The following FNDC1 variants were observed in gnomAD, a reference collection of about 807,000 sequenced individuals.
The protein encoded by FNDC1 is fibronectin type III domain containing 1, also known as fibronectin type III domain-containing protein 1.
FNDC1 carries 96 observed loss-of-function variants against 168.0 expected under a neutral mutation model. The observed-to-expected ratio is 0.57, with a 90% CI of 0.48 to 0.68. The LOEUF is 0.68. Among genes scored for constraint, FNDC1 ranks in the 30% least tolerant of loss-of-function variants. The pLI is 0.00. For synonymous variants in FNDC1, 1,099 were observed against 1,025.9 expected (o/e 1.07, Z -1.36); for missense variants, 2,587 against 2,482.1 (o/e 1.04, Z -0.90).
chr6:159,175,473 G>A (rs1781742991), intron 1 of FNDC1, among the ~76,000 whole-genome samples: 1 of 152,168 alleles, frequency 6.6e-6, no homozygotes, highest in Non-Finnish European at 1.5e-5. Context: ...CTCTAGGCTG[G>A]ATGTGAGTGC....
chr6:159,201,677 A>G lies in FNDC1; in HGVS notation c.460+1096A>G, dbSNP rs75386466. Among the ~76,000 whole-genome samples the G allele has an allele frequency of 2.8e-3, 433 of 152,316 alleles. 1 individual carries two copies. Among genetic ancestry groups the G allele is most frequent in the African/African-American group, 0.01 (416 of 41,576 alleles). The stretch of plus-strand genomic sequence containing the variant: ...CCATGGAAATTCAGTAAAATGGTCA[A>G]CAAGTTAGTACAGCTAGCAAGTGTG... On this transcript the variant is annotated intron_variant, in intron 4 of 22. Coordinates refer to ENST00000297267, the MANE Select transcript of FNDC1 (RefSeq NM_032532.3).
chr6:159,268,687 T>TAATCTATCC (rs1554229736), intron 22 of FNDC1, among the ~76,000 whole-genome samples: 2 of 149,574 alleles, frequency 1.3e-5, no homozygotes, highest in African/African-American at 4.9e-5. Flanking sequence ...TCCATCTATC[T>TAATCTATCC]ATCCATCCAT....
chr6:159,251,561 C>T (rs1777266216), intron 17 of FNDC1, 29 bp downstream of exon 17: 2 of 1,585,858 alleles, frequency 1.3e-6, no homozygotes, highest in Non-Finnish European at 1.7e-6. Context: ...TCAGAGTTCC[C>T]ATGATCTGTA....
chr6:159,178,214 T>C (rs768997701), intron 1 of FNDC1, among the ~76,000 whole-genome samples: 4 of 152,210 alleles, frequency 2.6e-5, no homozygotes, highest in East Asian at 1.9e-4. Context: ...ATCCTCTTCA[T>C]TGATCCTTGT....
In FNDC1 at chr6:159,206,113, G is replaced by A. The variant is rs373784578; in HGVS notation, c.460+5532G>A. 1.4e-4 allele frequency among the ~76,000 whole-genome samples: 22 copies of A among 152,322 alleles called. No homozygotes were observed. In the East Asian group the frequency reaches 3.1e-3, roughly 21 times the overall value. On this transcript the variant is annotated intron_variant, in intron 4 of 22. Transcript: ENST00000297267. ...ATTGGCACTTGGTGCAAAAGGTGCC[G>A]GCAGAGTAAACCAATAGGCAAAGCA...
At chr6:159,175,633 G>T (rs899068445) in intron 1 of FNDC1, among the ~76,000 whole-genome samples, 1 of 152,230 alleles carries the variant, frequency 6.6e-6, no homozygotes, top group Non-Finnish European at 1.5e-5. Flanking sequence ...AGTGAATGTA[G>T]CCTCTGTTAC....
chr6:159,217,207 G>A lies in FNDC1; in HGVS notation c.667+2056G>A, dbSNP rs573871121. ...AAGGGCGTGGTAAAGGAGGAGAGGG[G>A]AGAGTTGCCTAGGAGGAGAGATGCC... On this transcript the variant is annotated intron_variant, in intron 5 of 22. Transcript: ENST00000297267. Among the ~76,000 whole-genome samples the A allele has an allele frequency of 5.3e-5, 8 of 152,352 alleles. No homozygotes were observed. The South Asian group carries it at 1.7e-3, about 32-fold the overall frequency.
chr6:159,169,668 C>T lies in FNDC1; in HGVS notation c.72C>T (p.Ala24=), dbSNP rs1248463479. 8 of 1,164,944 alleles carry T rather than the reference C, an allele frequency of 6.9e-6. No individual in the cohort carries two copies. The South Asian group carries it at 2.9e-4, about 42-fold the overall frequency. 72.2% of individuals were successfully genotyped at this position (1,164,944 alleles called of 1,614,324 possible). A position where few individuals can be genotyped will look rare whatever the true frequency, so the allele number is the denominator to read the frequency against. ...CCTGGGCGGCGCTGCTGCTCTTGGC[C>T]GCGCTGCTCCCCGTCGCCTCCTCGG... ...RLSWAALLLL[A]ALLPVASSAA... is the part of the protein sequence containing the mutation. The change falls in exon 1 of 23, where the codon GCC becomes GCT. Residue 24 remains alanine (A), a synonymous_variant. Coordinates refer to ENST00000297267, the MANE Select transcript of FNDC1 (RefSeq NM_032532.3). This position sits in a 1 kb window ranked among gnomAD's most constrained non-coding sequence, Gnocchi z 6.8.
Position 159,233,620 on chromosome 6 carries a change from C to T in FNDC1, c.3108C>T (p.Thr1036=), listed in dbSNP as rs1056841675. The T allele has an allele frequency of 1.9e-6, 3 of 1,566,124 alleles. No individual in the cohort carries two copies. The highest frequency in any genetic ancestry group is 2.6e-6 in the Non-Finnish European group (3 of 1,158,496). The change falls in exon 11 of 23, where the codon ACC becomes ACT. Residue 1036 remains threonine (T), a synonymous_variant. Transcript: ENST00000297267. This position sits in a 1 kb window ranked among gnomAD's most constrained non-coding sequence, Gnocchi z 4.6. ...CTTCCCAGCCCAGGCTCTCACTGAC[C>T]CAGGCCGGGCGGCCCCGCCCCACGT... The part of the protein sequence containing the change: ...RSPSQPRLSL[T]QAGRPRPTSQ...
chr6:159,219,923 T>C (rs543414295), intron 5 of FNDC1, among the ~76,000 whole-genome samples: 33 of 152,198 alleles, frequency 2.2e-4, no homozygotes, highest in Non-Finnish European at 4.1e-4. Flanking sequence ...GATTCCATTG[T>C]CAATAGCACC....
At chr6:159,261,502 A>C (rs187110138) in intron 19 of FNDC1, among the ~76,000 whole-genome samples, 2 of 152,338 alleles carry the variant, frequency 1.3e-5, no homozygotes, top group East Asian at 3.9e-4. Flanking sequence ...AATTCCAATG[A>C]AAGGAAAAAA....
At position 159,197,413 on chromosome 6, in the gene FNDC1, G is replaced by T; in HGVS notation, c.110-18G>T. The T allele has an allele frequency of 1.3e-6, 2 of 1,593,208 alleles. No homozygotes were observed. Among genetic ancestry groups the T allele is most frequent in the Non-Finnish European group, 1.7e-6 (2 of 1,170,534 alleles). On this transcript the variant is annotated intron_variant, in intron 1 of 22. Transcript: ENST00000297267. ...AATCTGTTATTGCCATGAGTTGATAGTTGCGCTGTTTACATAGTTGACCAC... is the reference window on the plus strand; with the variant it reads ...AATCTGTTATTGCCATGAGTTGATATTTGCGCTGTTTACATAGTTGACCAC...
At chr6:159,243,360 G>A (rs1783470187) in intron 14 of FNDC1, 1 of 152,144 alleles carries the variant, frequency 6.6e-6, no homozygotes, top group Non-Finnish European at 1.5e-5. Flanking sequence ...AAAATACTGA[G>A]AAATTCAAAA....
chr6:159,249,289 G>C (rs1777207526), intron 16 of FNDC1, 107 bp downstream of exon 16: 4 of 1,094,268 alleles, frequency 3.7e-6, no homozygotes, highest in Non-Finnish European at 5.1e-6. Context: ...ATTTTGAGAA[G>C]TTTTTCCAGA....
rs1312661878 is a variant in FNDC1 at position 159,232,612 on chromosome 6, C to A, written c.2100C>A (p.Thr700=). ...GAKPASPARR[T]PHSGAAEEDS... ...AGCCAGCCTCGCCGGCCCGGAGGACCCCCCATTCAGGGGCCGCAGAGGAAG... is the reference window on the plus strand; with the variant it reads ...AGCCAGCCTCGCCGGCCCGGAGGACACCCCATTCAGGGGCCGCAGAGGAAG... Residue 700 remains threonine (T), a synonymous_variant, in exon 11 of 23, where the codon ACC becomes ACA. Coordinates refer to ENST00000297267, the MANE Select transcript of FNDC1 (RefSeq NM_032532.3). This position sits in a 1 kb window ranked among gnomAD's most constrained non-coding sequence, Gnocchi z 4.9. 2 of 1,608,282 alleles carry A rather than the reference C, an allele frequency of 1.2e-6. No homozygotes were observed. Among genetic ancestry groups the A allele is most frequent in the South Asian group, 1.1e-5 (1 of 90,540 alleles).
At chr6:159,176,323 C>T (rs1395850004) in intron 1 of FNDC1, among the ~76,000 whole-genome samples, 4 of 152,198 alleles carry the variant, frequency 2.6e-5, no homozygotes, top group African/African-American at 7.2e-5. Context: ...CAGACAAAGA[C>T]ACAAAGTCAG....
chr6:159,179,346 C>G (rs1389191621), intron 1 of FNDC1, among the ~76,000 whole-genome samples: 2 of 152,226 alleles, frequency 1.3e-5, no homozygotes, highest in Admixed American at 6.5e-5. Context: ...GTAGTCCCAG[C>G]TACTCAAGAG....
rs381639 is a variant in FNDC1 at position 159,232,603 on chromosome 6, C to A, written c.2091C>A (p.Ala697=). 1.2e-6 allele frequency: 2 copies of A among 1,607,016 alleles called. No homozygotes were observed. Among genetic ancestry groups the A allele is most frequent in the Admixed American group, 1.7e-5 (1 of 59,394 alleles). ...CCGGCGCAAAGCCAGCCTCGCCGGCCCGGAGGACCCCCCATTCAGGGGCCG... is the reference window on the plus strand; with the variant it reads ...CCGGCGCAAAGCCAGCCTCGCCGGCACGGAGGACCCCCCATTCAGGGGCCG... ...VHPGAKPASP[A]RRTPHSGAAE... Residue 697 remains alanine (A), a synonymous_variant, in exon 11 of 23, where the codon GCC becomes GCA. Coordinates refer to ENST00000297267, the MANE Select transcript of FNDC1 (RefSeq NM_032532.3). The surrounding 1 kb of genome is among the most constrained non-coding windows in gnomAD (Gnocchi z 4.9).
intron 1 of FNDC1, among the ~76,000 whole-genome samples, chr6:159,177,604 G>A (rs952720878): frequency 6.6e-6 from 1 of 152,132 alleles, no homozygotes; most frequent in African/African-American, 2.4e-5. Context: ...TTTGACAAAA[G>A]CTCTGTGAAA....
Sources: gnomAD v4.1 joint callset for allele counts (sites outside exome capture counted in the v4.1 genomes callset) on GRCh38, gnomAD v4.1.1 for gene constraint, Gnocchi (gnomAD v3.1) non-coding constraint, MANE v1.5 for transcripts, NCBI Gene and HGNC (gene_info 2026-07-23, HGNC 2026-07-21) for gene names.